Variants in TENM2 observed in about 807,000 individuals in gnomAD.
TENM2 encodes teneurin transmembrane protein 2.
In TENM2, 52 loss-of-function variants were observed where a neutral mutation model predicts 245.2. The observed-to-expected ratio is 0.21, with a 90% confidence interval of 0.17 to 0.27. The LOEUF is 0.27. TENM2 is among the 10% of genes least tolerant of loss of function. The probability of loss-of-function intolerance (pLI) is 1.00; values close to 1 mark genes in which losing one functional copy is unlikely to be tolerated. For missense variants in TENM2, 3,046 were observed against 3,666.8 expected (o/e 0.83, Z 4.37); for synonymous variants, 1,363 against 1,438.9 (o/e 0.95, Z 1.19).
the TENM2 span, among the ~76,000 whole-genome samples, chr5:167,131,786 C>T: frequency 6.6e-6 from 1 of 151,980 alleles, no homozygotes; most frequent in Non-Finnish European, 1.5e-5. Flanking sequence ...AAGTATTAAA[C>T]CCTTCTCTTT....
At chr5:167,225,505 G>C in the TENM2 span, among the ~76,000 whole-genome samples, 2 of 151,924 alleles carry the variant, frequency 1.3e-5, no homozygotes, top group Non-Finnish European at 2.9e-5. Flanking sequence ...TGAATCCCTG[G>C]GATAAATTCC....
intron 4 of TENM2, among the ~76,000 whole-genome samples, chr5:167,973,453 C>T (rs949070453): frequency 1.2e-4 from 19 of 152,128 alleles, no homozygotes; most frequent in African/African-American, 2.2e-4. Flanking sequence ...AGTGAAAGAT[C>T]GAAAAGACAT....
At chr5:167,910,698 G>A (rs192481692) in intron 3 of TENM2, among the ~76,000 whole-genome samples, 128 of 152,266 alleles carry the variant, frequency 8.4e-4, no homozygotes, top group African/African-American at 2.9e-3. Flanking sequence ...CTTCCATGGA[G>A]CAGATGTTTC....
chr5:166,982,795 G>GC, the TENM2 span, among the ~76,000 whole-genome samples: 1 of 151,644 alleles, frequency 6.6e-6, no homozygotes. Flanking sequence ...TTTTTTTGGG[G>GC]GGGGGAGGAG....
At chr5:167,446,061 T>C (rs1303919448) in intron 2 of TENM2, among the ~76,000 whole-genome samples, 2 of 152,202 alleles carry the variant, frequency 1.3e-5, no homozygotes, top group African/African-American at 4.8e-5. Flanking sequence ...GGGAAGCTAC[T>C]CCACTTCAAA....
intron 7 of TENM2, among the ~76,000 whole-genome samples, chr5:168,062,876 C>A (rs1478038237): frequency 6.6e-6 from 1 of 152,154 alleles, no homozygotes. Flanking sequence ...GGAATTGGGG[C>A]TAACTGCCAC....
chr5:167,865,111 A>G (rs1356565554), intron 2 of TENM2, among the ~76,000 whole-genome samples: 6 of 152,176 alleles, frequency 3.9e-5, no homozygotes, highest in African/African-American at 1.2e-4. Context: ...TCTTCTGCAT[A>G]TTACTCAGCA....
chr5:166,984,574 C>T, the TENM2 span, among the ~76,000 whole-genome samples: 1 of 151,976 alleles, frequency 6.6e-6, no homozygotes, highest in Non-Finnish European at 1.5e-5. Flanking sequence ...GTATAAGCTG[C>T]TTGCTATATT....
chr5:167,745,566 C>G (rs1761501471), intron 2 of TENM2, among the ~76,000 whole-genome samples: 1 of 152,176 alleles, frequency 6.6e-6, no homozygotes, highest in South Asian at 2.1e-4. Context: ...CTATTTTTAG[C>G]TTTCCACAAT....
At chr5:167,848,516 A>G (rs554010869) in intron 2 of TENM2, among the ~76,000 whole-genome samples, 24 of 152,368 alleles carry the variant, frequency 1.6e-4, no homozygotes, top group Admixed American at 5.9e-4. Context: ...TATATGCCAA[A>G]TGAGGCCAGT....
the TENM2 span, among the ~76,000 whole-genome samples, chr5:166,991,454 A>G: frequency 2.0e-5 from 3 of 152,044 alleles, no homozygotes; most frequent in East Asian, 5.8e-4. Context: ...TTTCAGACCT[A>G]GTAATTTAAC....
At chr5:168,207,712 C>A (rs901443910) in intron 19 of TENM2, among the ~76,000 whole-genome samples, 6 of 152,120 alleles carry the variant, frequency 3.9e-5, no homozygotes, top group Non-Finnish European at 7.3e-5. Context: ...CTGAATGATT[C>A]CATTTCGGGA....
At chr5:167,096,860 C>T in the TENM2 span, among the ~76,000 whole-genome samples, 1 of 152,142 alleles carries the variant, frequency 6.6e-6, no homozygotes, top group Non-Finnish European at 1.5e-5. Flanking sequence ...AAACGAAAGT[C>T]TCATGCAACA....
chr5:167,552,752 T>C (rs1241053744), intron 2 of TENM2, among the ~76,000 whole-genome samples: 2 of 152,212 alleles, frequency 1.3e-5, no homozygotes, highest in Non-Finnish European at 2.9e-5. Flanking sequence ...TCTTTCTGTC[T>C]CTAGGGACAT....
intron 2 of TENM2, among the ~76,000 whole-genome samples, chr5:167,460,095 C>T (rs1209880881): frequency 6.6e-6 from 1 of 152,106 alleles, no homozygotes; most frequent in Admixed American, 6.6e-5. Context: ...AATAGAGATA[C>T]ACCCTCTCAC....
intron 12 of TENM2, among the ~76,000 whole-genome samples, chr5:168,147,934 C>T (rs2152417878): frequency 6.6e-6 from 1 of 152,212 alleles, no homozygotes; most frequent in East Asian, 1.9e-4. Context: ...GGAACATGTA[C>T]CAAGTAAAGA....
intron 2 of TENM2, among the ~76,000 whole-genome samples, chr5:167,836,971 G>C (rs1329717897): frequency 6.6e-6 from 1 of 151,846 alleles, no homozygotes; most frequent in Non-Finnish European, 1.5e-5. Flanking sequence ...ATAAACTACT[G>C]TCATTTTCCT....
At chr5:167,973,217 A>G (rs1031299503) in intron 4 of TENM2, among the ~76,000 whole-genome samples, 20 of 152,228 alleles carry the variant, frequency 1.3e-4, no homozygotes, top group Admixed American at 1.3e-3. Flanking sequence ...CGAGGAAGAC[A>G]GCCTTTTTTG....
intron 2 of TENM2, among the ~76,000 whole-genome samples, chr5:167,452,732 G>A (rs1025171224): frequency 2.0e-5 from 3 of 151,192 alleles, no homozygotes; most frequent in African/African-American, 7.3e-5. Context: ...ATTGAACAAT[G>A]AGACCACTTG....
Sources: allele counts gnomAD v4.1 joint callset (sites outside exome capture counted in the v4.1 genomes callset), GRCh38; gene constraint gnomAD v4.1.1; transcripts MANE v1.5; gene names NCBI Gene and HGNC (gene_info 2026-07-23, HGNC 2026-07-21).